The following KIF13A variants were observed in gnomAD, a reference collection of about 807,000 sequenced individuals.
KIF13A encodes kinesin family member 13A, also known as kinesin-like protein KIF13A.
Under a neutral mutation model 212.2 loss-of-function variants are expected in KIF13A, and 79 were observed. The observed-to-expected ratio is 0.37, with a 90% CI of 0.31 to 0.45. The LOEUF (loss-of-function observed/expected upper bound fraction) is 0.45, where lower values mean the gene tolerates loss of function less well. KIF13A is among the 20% of genes least tolerant of loss of function. The probability of loss-of-function intolerance (pLI) is 1.00; values close to 1 mark genes in which losing one functional copy is unlikely to be tolerated. For missense variants in KIF13A, 1,901 were observed against 2,209.0 expected (o/e 0.86, Z 2.79); for synonymous variants, 789 against 808.6 (o/e 0.98, Z 0.41).
At chr6:17,983,592 A>G (rs1046141727) in intron 2 of KIF13A, among the ~76,000 whole-genome samples, 3 of 151,540 alleles carry the variant, frequency 2.0e-5, no homozygotes, top group African/African-American at 7.3e-5. Flanking sequence ...GCCAAGGCTC[A>G]GGCGATTCTC....
intron 17 of KIF13A, among the ~76,000 whole-genome samples, chr6:17,810,590 T>C (rs911346928): frequency 4.6e-5 from 7 of 152,244 alleles, no homozygotes; most frequent in African/African-American, 1.7e-4. Flanking sequence ...TTGTGCACTT[T>C]ATTTCTATTA....
In KIF13A at chr6:17,825,277, A is replaced by G. The variant is rs1035737700; in HGVS notation, c.1786+491T>C. ...TATAAAGCATTTCATTTTCACTATC[A>G]TTTTTGTAAAAGTGATCTGGGCTTA... On this transcript the variant is annotated intron_variant, in intron 16 of 38. Transcript: ENST00000259711. The surrounding 1 kb of genome is among the most constrained non-coding windows in gnomAD (Gnocchi z 4.5). Among the ~76,000 whole-genome samples the G allele has an allele frequency of 6.6e-6, 1 of 152,222 alleles. No homozygotes were observed. The highest frequency in any genetic ancestry group is 2.1e-4 in the South Asian group (1 of 4,836).
Position 17,785,765 on chromosome 6 carries a change from A to T in KIF13A, c.3362-124T>A. On this transcript the variant is annotated intron_variant, in intron 27 of 38. Transcript: ENST00000259711. This position sits in a 1 kb window ranked among gnomAD's most constrained non-coding sequence, Gnocchi z 5.8. ...CCATCTCTACCAAAAAAAAAAAAAT[A>T]GTTGGGCAGGGTGGTGGTACGCATG... 1.0e-6 allele frequency: 1 copy of T among 999,064 alleles called. No individual in the cohort carries two copies. The highest frequency in any genetic ancestry group is 1.5e-5 in the South Asian group (1 of 65,270). The allele number at this position is 999,064 out of a possible 1,614,324, so 61.9% of individuals were successfully genotyped here.
At position 17,771,776 on chromosome 6, in the gene KIF13A, C is replaced by A; in HGVS notation, c.4476+132G>T. 2 of 759,308 alleles carry A rather than the reference C, an allele frequency of 2.6e-6. No homozygotes were observed. The highest frequency in any genetic ancestry group is 4.3e-6 in the Non-Finnish European group (2 of 464,072). The allele number at this position is 759,308 out of a possible 1,614,324, so 47.0% of individuals were successfully genotyped here. On this transcript the variant is annotated intron_variant, in intron 37 of 38. Transcript: ENST00000259711. The surrounding 1 kb of genome is among the most constrained non-coding windows in gnomAD (Gnocchi z 5.4). ...TCTGCATGCTTGAGAAAGAGGAATTCGAGAACGGGAACCATGGAGTGATGA... is the reference window on the plus strand; with the variant it reads ...TCTGCATGCTTGAGAAAGAGGAATTAGAGAACGGGAACCATGGAGTGATGA...
At chr6:17,806,605 C>T (rs1762969905) in intron 18 of KIF13A, among the ~76,000 whole-genome samples, 1 of 152,140 alleles carries the variant, frequency 6.6e-6, no homozygotes, top group Non-Finnish European at 1.5e-5. Flanking sequence ...TCTGGCTGGG[C>T]ACGGTGGCTC....
At chr6:17,930,618 C>A (rs1352976620) in intron 2 of KIF13A, among the ~76,000 whole-genome samples, 2 of 152,118 alleles carry the variant, frequency 1.3e-5, no homozygotes, top group African/African-American at 4.8e-5. Context: ...ACTAGAAGAA[C>A]CTGGATTTGC....
chr6:17,913,077 G>C (rs1209864132), intron 2 of KIF13A, among the ~76,000 whole-genome samples: 1 of 151,358 alleles, frequency 6.6e-6, no homozygotes, highest in Non-Finnish European at 1.5e-5. Flanking sequence ...GTGAAACAGT[G>C]CTCAGCCAAA....
intron 2 of KIF13A, among the ~76,000 whole-genome samples, chr6:17,978,254 T>C (rs1780758446): frequency 6.6e-6 from 1 of 152,234 alleles, no homozygotes; most frequent in South Asian, 2.1e-4. Context: ...ATGTGAAAAC[T>C]TTATTTTGTT....
rs1471019712 is a variant in KIF13A, at chr6:17,914,267, T to C, written c.147-16087A>G. Among the ~76,000 whole-genome samples the C allele has an allele frequency of 6.6e-6, 1 of 152,214 alleles. No homozygotes were observed. The highest frequency in any genetic ancestry group is 1.5e-5 in the Non-Finnish European group (1 of 68,036). On this transcript the variant is annotated intron_variant, in intron 2 of 38. Transcript: ENST00000259711. This position sits in a 1 kb window ranked among gnomAD's most constrained non-coding sequence, Gnocchi z 5.9. ...ACATTATTTATAGTGACCCTTGTTTTTCACTAAAAAAGTGATGCTCTCTCT... is the reference window on the plus strand; with the variant it reads ...ACATTATTTATAGTGACCCTTGTTTCTCACTAAAAAAGTGATGCTCTCTCT...
At chr6:17,835,195 CAAAAAAAAAAAAAAAAAAAAAAAAAAA>C (rs61697144) in intron 11 of KIF13A, among the ~76,000 whole-genome samples, 4,682 of 45,998 alleles carry the variant, frequency 0.1, 350 homozygotes, top group African/African-American at 0.26. Flanking sequence ...CCGCCCCCGC[CAAAAAAAAAAAAAAAAAAAAAAAAAAA>C]AAAAAAAAAA....
rs1772708704 is a variant in KIF13A at position 17,897,934 on chromosome 6, A to G, written c.159+234T>C. On this transcript the variant is annotated intron_variant, in intron 3 of 38. Coordinates refer to ENST00000259711, the MANE Select transcript of KIF13A (RefSeq NM_022113.6). This position sits in a 1 kb window ranked among gnomAD's most constrained non-coding sequence, Gnocchi z 4.8. ...CAATAACCTGACAGGTTTGCTTTGA[A>G]GATTACAGCATTCATTCTGAGAATG... 6.6e-6 allele frequency among the ~76,000 whole-genome samples: 1 copy of G among 152,214 alleles called. No individual in the cohort carries two copies. Among genetic ancestry groups the G allele is most frequent in the Admixed American group, 6.5e-5 (1 of 15,276 alleles).
chr6:17,894,550 T>C (rs935192113), intron 3 of KIF13A, among the ~76,000 whole-genome samples: 9 of 152,148 alleles, frequency 5.9e-5, no homozygotes, highest in African/African-American at 2.2e-4. Context: ...CTTCGGCAGA[T>C]AGTACAGAGT....
intron 4 of KIF13A, among the ~76,000 whole-genome samples, chr6:17,859,518 A>C (rs1768495690): frequency 6.6e-6 from 1 of 150,934 alleles, no homozygotes; most frequent in African/African-American, 2.4e-5. Context: ...CAAATACTAA[A>C]CAGGACATGA....
rs372122965 is a variant in KIF13A at position 17,976,375 on chromosome 6, C to T, written c.146+10679G>A. 9.8e-5 allele frequency among the ~76,000 whole-genome samples: 15 copies of T among 152,334 alleles called. No individual in the cohort carries two copies. The East Asian group carries it at 2.3e-3, about 24-fold the overall frequency. Reference sequence around the variant, plus strand: ...CCCGGCGAGAAATCGAGCGCAGCGCCGGTGGGCCGGCACTGCTGGGGGACC... The same window carrying T: ...CCCGGCGAGAAATCGAGCGCAGCGCTGGTGGGCCGGCACTGCTGGGGGACC... On this transcript the variant is annotated intron_variant, in intron 2 of 38. Coordinates refer to ENST00000259711, the MANE Select transcript of KIF13A (RefSeq NM_022113.6).
rs1156627002 is a variant in KIF13A, at chr6:17,987,611, G to C, written c.-148C>G. ...GCTCCGAGAGGCAGCGCCGAGGCGC[G>C]CGGGCCATCCCGGGGGAGCGCGACG... On this transcript the variant is annotated 5_prime_UTR_variant, in exon 1 of 39. Coordinates refer to ENST00000259711, the MANE Select transcript of KIF13A (RefSeq NM_022113.6). The surrounding 1 kb of genome is among the most constrained non-coding windows in gnomAD (Gnocchi z 7.7). 1 of 256,046 alleles carries C rather than the reference G, an allele frequency of 3.9e-6. No homozygotes were observed. Among genetic ancestry groups the C allele is most frequent in the Admixed American group, 6.8e-5 (1 of 14,780 alleles). The allele number at this position is 256,046 out of a possible 1,614,324, so 15.9% of individuals were successfully genotyped here. A position where few individuals can be genotyped will look rare whatever the true frequency, so the allele number is the denominator to read the frequency against.
At chr6:17,779,740 G>GTTTTTTTT (rs201272106) in intron 31 of KIF13A, 56 bp from the exon 32 acceptor site, 12 of 478,982 alleles carry the variant, frequency 2.5e-5, no homozygotes, top group East Asian at 7.2e-5. Flanking sequence ...AAGTTATTTT[G>GTTTTTTTT]TATTTTTTTT....
rs151235756 is a variant in KIF13A at position 17,782,911 on chromosome 6, G to A, written c.3544+735C>T. ...CTTTGTTTATATACCTCCTATGACA[G>A]GGAACTCACTATCTTATGAGGCATA... On this transcript the variant is annotated intron_variant, in intron 29 of 38. Coordinates refer to ENST00000259711, the MANE Select transcript of KIF13A (RefSeq NM_022113.6). Among the ~76,000 whole-genome samples the A allele has an allele frequency of 2.4e-4, 37 of 152,262 alleles. No individual in the cohort carries two copies. The East Asian group carries it at 3.5e-3, about 14-fold the overall frequency.
chr6:17,942,922 T>C (rs1256288004), intron 2 of KIF13A, among the ~76,000 whole-genome samples: 1 of 151,988 alleles, frequency 6.6e-6, no homozygotes, highest in Non-Finnish European at 1.5e-5. Flanking sequence ...GAGGTTGCAG[T>C]GAGCCAAGAT....
intron 17 of KIF13A, chr6:17,812,374 C>T (rs1763503888): frequency 6.6e-6 from 1 of 152,196 alleles, no homozygotes; most frequent in East Asian, 1.9e-4. Context: ...TGTTGTTCCC[C>T]TTTCTGTCCA....
Sources: allele counts gnomAD v4.1 joint callset (sites outside exome capture counted in the v4.1 genomes callset), GRCh38; gene constraint gnomAD v4.1.1; non-coding constraint Gnocchi (gnomAD v3.1); transcripts MANE v1.5; gene names NCBI Gene and HGNC (gene_info 2026-07-23, HGNC 2026-07-21).